TBC1D15: variants seen among roughly 807,000 people sequenced by gnomAD.
The protein encoded by TBC1D15 is GAP for RAB7.
Under a neutral mutation model 95.4 loss-of-function variants are expected in TBC1D15, and 39 were observed. The observed-to-expected ratio is 0.41, with a 90% CI of 0.32 to 0.53. The LOEUF (loss-of-function observed/expected upper bound fraction) is 0.53, where lower values mean the gene tolerates loss of function less well. TBC1D15 is among the 20% of genes least tolerant of loss of function. The pLI, the probability that TBC1D15 is intolerant of heterozygous loss-of-function variation, is 0.29. For synonymous variants in TBC1D15, 258 were observed against 261.3 expected, an observed-to-expected ratio of 0.99 and a Z score of 0.12; for missense variants, 733 against 794.3, an observed-to-expected ratio of 0.92 and a Z score of 0.93.
intron 11 of TBC1D15, among the ~76,000 whole-genome samples, chr12:71,912,125 A>G (rs555788573): frequency 1.8e-4 from 27 of 152,206 alleles, no homozygotes; most frequent in Non-Finnish European, 1.0e-4. Context: ...TTTAGCCTTT[A>G]TTTTTTGTCA....
In TBC1D15 at chr12:71,893,332, C is replaced by T. The variant is rs1371052521; in HGVS notation, c.657+8C>T. On this transcript the variant is annotated splice_region_variant and intron_variant, in intron 6 of 16. Transcript: ENST00000485960. Reference sequence around the variant, plus strand: ...GCATATGGTTTAATACAAGTATGTTCCTTAAATCTATCCTGTATTATTCTG... The same window carrying T: ...GCATATGGTTTAATACAAGTATGTTTCTTAAATCTATCCTGTATTATTCTG... 1 of 1,586,192 alleles carries T rather than the reference C, an allele frequency of 6.3e-7. No homozygotes were observed. The highest frequency in any genetic ancestry group is 1.7e-5 in the Admixed American group (1 of 58,944).
intron 10 of TBC1D15, among the ~76,000 whole-genome samples, chr12:71,898,952 C>T (rs1435879055): frequency 1.3e-5 from 2 of 152,022 alleles, no homozygotes; most frequent in Admixed American, 6.6e-5. Context: ...CTGATTAAGG[C>T]GAAAGTTTGG....
intron 5 of TBC1D15, among the ~76,000 whole-genome samples, chr12:71,887,979 T>C (rs1336926570): frequency 6.6e-6 from 1 of 152,202 alleles, no homozygotes; most frequent in Non-Finnish European, 1.5e-5. Context: ...GGAGATTTGC[T>C]TTATGTGACT....
chr12:71,840,334 T>C (rs1884644157), intron 1 of TBC1D15, among the ~76,000 whole-genome samples: 1 of 152,196 alleles, frequency 6.6e-6, no homozygotes, highest in Non-Finnish European at 1.5e-5. Flanking sequence ...ACCAAGCTGC[T>C]GAGTTGGTTG....
At chr12:71,858,599 G>T (rs1889680644) in intron 1 of TBC1D15, among the ~76,000 whole-genome samples, 1 of 147,636 alleles carries the variant, frequency 6.8e-6, no homozygotes, top group Non-Finnish European at 1.5e-5. Flanking sequence ...TGTTGCTCAG[G>T]CTGGAGTGCA....
In TBC1D15 at chr12:71,895,005, T is replaced by C. The variant is rs765775731; in HGVS notation, c.855+122T>C. 82 of 872,258 alleles carry C rather than the reference T, an allele frequency of 9.4e-5. 1 individual carries two copies. Among genetic ancestry groups the C allele is most frequent in the Non-Finnish European group, 1.4e-4 (80 of 586,596 alleles). The allele number at this position is 872,258 out of a possible 1,614,324, so 54.0% of individuals were successfully genotyped here. A position where few individuals can be genotyped will look rare whatever the true frequency, so the allele number is the denominator to read the frequency against. On this transcript the variant is annotated intron_variant, in intron 7 of 16. Coordinates refer to ENST00000485960, the MANE Select transcript of TBC1D15 (RefSeq NM_001146213.3). ...CCATAATCTGTTCTTAACAACTTTT[T>C]GCTAGTATATCTGACAATGAGTGCT...
chr12:71,849,477 G>A, intron 1 of TBC1D15: 1 of 870,654 alleles, frequency 1.1e-6, no homozygotes, highest in African/African-American at 1.7e-5. Flanking sequence ...CATTCCAAAA[G>A]CAACTTCCAT....
At chr12:71,893,961 G>A (rs900559391) in intron 6 of TBC1D15, among the ~76,000 whole-genome samples, 8 of 149,786 alleles carry the variant, frequency 5.3e-5, no homozygotes, top group African/African-American at 1.7e-4. Context: ...GATATAGAGG[G>A]AACTTTAGGA....
At chr12:71,842,666 A>G (rs991138279) in intron 1 of TBC1D15, among the ~76,000 whole-genome samples, 1 of 151,842 alleles carries the variant, frequency 6.6e-6, no homozygotes, top group African/African-American at 2.4e-5. Context: ...CCCTGTCTCT[A>G]TGAAAAATAA....
intron 1 of TBC1D15, among the ~76,000 whole-genome samples, chr12:71,858,079 CT>C (rs957470256): frequency 6.7e-5 from 10 of 148,738 alleles, no homozygotes; most frequent in Non-Finnish European, 9.0e-5. Context: ...TTCTTTCTTT[CT>C]TTTTTTTTTG....
chr12:71,899,664 A>T (rs1338283587), intron 10 of TBC1D15, among the ~76,000 whole-genome samples: 2 of 152,194 alleles, frequency 1.3e-5, no homozygotes, highest in Non-Finnish European at 2.9e-5. Context: ...GAGCATTTTA[A>T]GGAAGAGTAT....
intron 2 of TBC1D15, 76 bp downstream of exon 2, chr12:71,872,244 T>C: frequency 1.2e-6 from 1 of 800,886 alleles, no homozygotes; most frequent in Non-Finnish European, 1.9e-6. Context: ...ATCAGAAAGT[T>C]TGAATTTCAT....
chr12:71,877,850 A>T (rs907942208), intron 3 of TBC1D15, among the ~76,000 whole-genome samples: 2 of 151,876 alleles, frequency 1.3e-5, no homozygotes, highest in African/African-American at 4.8e-5. Context: ...CCCCCACCTC[A>T]TTTCATTTGA....
chr12:71,914,813 A>T (rs1044113317), intron 12 of TBC1D15, among the ~76,000 whole-genome samples: 8 of 152,034 alleles, frequency 5.3e-5, no homozygotes, highest in Non-Finnish European at 7.4e-5. Flanking sequence ...ACAAATGTGA[A>T]ATTTGGAAGT....
chr12:71,914,046 T>G (rs914816824), intron 12 of TBC1D15, 120 bp downstream of exon 12: 18 of 654,142 alleles, frequency 2.8e-5, no homozygotes, highest in Non-Finnish European at 4.2e-5. Flanking sequence ...AATTACCTCA[T>G]GCCTTTTGTT....
At chr12:71,888,002 T>C (rs1282128269) in intron 5 of TBC1D15, among the ~76,000 whole-genome samples, 1 of 152,220 alleles carries the variant, frequency 6.6e-6, no homozygotes, top group Non-Finnish European at 1.5e-5. Context: ...AGAAAGAAAT[T>C]AGAAGACAGG....
intron 1 of TBC1D15, among the ~76,000 whole-genome samples, chr12:71,867,125 G>A (rs2138221685): frequency 6.6e-6 from 1 of 152,292 alleles, no homozygotes; most frequent in East Asian, 1.9e-4. Context: ...ATGAGAGTAA[G>A]GGTTTTTGTT....
intron 1 of TBC1D15, chr12:71,861,426 C>G: frequency 6.7e-7 from 1 of 1,488,912 alleles, no homozygotes; most frequent in Non-Finnish European, 8.9e-7. Flanking sequence ...CTTCTTGATT[C>G]AATCTTGATA....
intron 11 of TBC1D15, chr12:71,913,366 C>A (rs1329200676): frequency 6.5e-6 from 1 of 154,022 alleles, no homozygotes; most frequent in Admixed American, 6.6e-5. Flanking sequence ...TTGCTAACCA[C>A]TCTGGGCTTG....
Sources: gnomAD v4.1 joint callset for allele counts (sites outside exome capture counted in the v4.1 genomes callset) on GRCh38, gnomAD v4.1.1 for gene constraint, MANE v1.5 for transcripts, NCBI Gene and HGNC (gene_info 2026-07-23, HGNC 2026-07-21) for gene names.